Variants in TTC28 observed in about 807,000 individuals in gnomAD.
TTC28 encodes the protein tetratricopeptide repeat protein 28.
In TTC28, 61 loss-of-function variants were observed where a neutral mutation model predicts 198.0. That is an observed-to-expected ratio of 0.31 (90% CI 0.25 to 0.38). The LOEUF is 0.38. TTC28 is among the 10% of genes least tolerant of loss of function. TTC28 has a pLI of 1.00. For missense variants in TTC28, 2,678 were observed against 3,164.0 expected, an observed-to-expected ratio of 0.85 and a Z score of 3.69; for synonymous variants, 1,171 against 1,297.8, an observed-to-expected ratio of 0.90 and a Z score of 2.10.
At chr22:28,044,425 TTTC>T (rs1306161687) in intron 12 of TTC28, among the ~76,000 whole-genome samples, 1 of 152,184 alleles carries the variant, frequency 6.6e-6, no homozygotes, top group Non-Finnish European at 1.5e-5. Context: ...TCCAAAATGC[TTTC>T]TTAAGAGCAT....
At chr22:28,256,074 AG>A (rs1420864196) in intron 5 of TTC28, among the ~76,000 whole-genome samples, 1 of 152,092 alleles carries the variant, frequency 6.6e-6, no homozygotes, top group Non-Finnish European at 1.5e-5. Flanking sequence ...TTAGTAGCAA[AG>A]AAATAGTACA....
chr22:28,217,291 A>G (rs1927484641), intron 5 of TTC28, among the ~76,000 whole-genome samples: 1 of 152,212 alleles, frequency 6.6e-6, no homozygotes, highest in Non-Finnish European at 1.5e-5. Context: ...TAAAAAACTG[A>G]GTGCCAGAAA....
intron 2 of TTC28, 180 bp downstream of exon 2, chr22:28,629,371 CA>C (rs2051132809): frequency 5.0e-6 from 3 of 605,080 alleles, no homozygotes; most frequent in East Asian, 5.8e-5. Context: ...AAGCATGCTA[CA>C]AAAAAACAAA....
chr22:28,627,691 C>A (rs923092819), intron 2 of TTC28, among the ~76,000 whole-genome samples: 1 of 152,128 alleles, frequency 6.6e-6, no homozygotes, highest in East Asian at 1.9e-4. Flanking sequence ...CTCAGCCTCC[C>A]AAAGTGCTGG....
intron 2 of TTC28, among the ~76,000 whole-genome samples, chr22:28,436,576 G>A (rs887506489): frequency 2.0e-5 from 3 of 152,196 alleles, no homozygotes; most frequent in Non-Finnish European, 4.4e-5. Flanking sequence ...CTAGAAAGGG[G>A]AAAGAAACTT....
chr22:28,024,165 T>C (rs1341680739), intron 13 of TTC28, among the ~76,000 whole-genome samples: 1 of 151,972 alleles, frequency 6.6e-6, no homozygotes, highest in African/African-American at 2.4e-5. Flanking sequence ...GGAGAGGGCA[T>C]GGACACAGGT....
intron 2 of TTC28, among the ~76,000 whole-genome samples, chr22:28,568,048 AAAC>A (rs1486663268): frequency 6.6e-6 from 1 of 152,216 alleles, no homozygotes; most frequent in African/African-American, 2.4e-5. Context: ...ATTCAGGGGA[AAAC>A]AAGGTTTTAC....
At chr22:28,677,175 A>AAAAATAT (rs1555910210) in intron 1 of TTC28, among the ~76,000 whole-genome samples, 5 of 69,474 alleles carry the variant, frequency 7.2e-5, no homozygotes, top group African/African-American at 3.7e-4. Context: ...AAAAAAAAAA[A>AAAAATAT]ATATATATAT....
At chr22:28,105,173 C>A in intron 8 of TTC28, 106 bp downstream of exon 8, 1 of 1,229,064 alleles carries the variant, frequency 8.1e-7, no homozygotes, top group Non-Finnish European at 1.1e-6. Flanking sequence ...TTACTCCACA[C>A]AGAGGTGGCC....
chr22:28,071,733 T>C (rs1038725754), intron 12 of TTC28, among the ~76,000 whole-genome samples: 3 of 52,010 alleles, frequency 5.8e-5, no homozygotes, highest in Admixed American at 4.1e-4. Flanking sequence ...TAAAGTATAA[T>C]AAAAAAAAAA....
intron 2 of TTC28, among the ~76,000 whole-genome samples, chr22:28,440,214 A>G (rs1180195847): frequency 6.6e-6 from 1 of 152,082 alleles, no homozygotes; most frequent in Non-Finnish European, 1.5e-5. Flanking sequence ...TTTTTAGGGC[A>G]ATTACATGGC....
At chr22:28,368,209 T>C (rs1320809830) in intron 2 of TTC28, among the ~76,000 whole-genome samples, 3 of 151,990 alleles carry the variant, frequency 2.0e-5, no homozygotes, top group Admixed American at 2.0e-4. Flanking sequence ...GATTCAACAA[T>C]ACATTAACAA....
intron 2 of TTC28, among the ~76,000 whole-genome samples, chr22:28,477,159 G>A (rs1293423886): frequency 6.6e-6 from 1 of 152,164 alleles, no homozygotes; most frequent in Non-Finnish European, 1.5e-5. Flanking sequence ...ACTTTATAAG[G>A]TGATGAAATG....
chr22:28,559,521 C>A (rs908742220), intron 2 of TTC28, among the ~76,000 whole-genome samples: 2 of 152,224 alleles, frequency 1.3e-5, no homozygotes, highest in African/African-American at 2.4e-5. Context: ...CCAACTGCCA[C>A]CACCCCGGCC....
At chr22:28,081,921 T>G (rs190657854) in intron 12 of TTC28, among the ~76,000 whole-genome samples, 24 of 152,366 alleles carry the variant, frequency 1.6e-4, no homozygotes, top group Admixed American at 1.4e-3. Flanking sequence ...GTGTCTTCTT[T>G]AATTTCCTTC....
chr22:28,208,116 C>G (rs568674002), intron 5 of TTC28, among the ~76,000 whole-genome samples: 3 of 152,252 alleles, frequency 2.0e-5, no homozygotes, highest in South Asian at 4.2e-4. Flanking sequence ...CATTTTGTAA[C>G]CTGCCCAAAA....
At chr22:28,264,622 C>T (rs957738842) in intron 5 of TTC28, among the ~76,000 whole-genome samples, 24 of 152,080 alleles carry the variant, frequency 1.6e-4, no homozygotes, top group Non-Finnish European at 3.4e-4. Flanking sequence ...TGTGTGTGTA[C>T]ACGCACACAC....
intron 15 of TTC28, chr22:28,001,056 A>T: frequency 4.3e-6 from 1 of 234,278 alleles, no homozygotes; most frequent in Non-Finnish European, 8.6e-6. Flanking sequence ...CAGCCCCCTC[A>T]GGTGCTCAGC....
At chr22:28,009,971 G>T (rs1218026386) in intron 14 of TTC28, among the ~76,000 whole-genome samples, 1 of 152,210 alleles carries the variant, frequency 6.6e-6, no homozygotes, top group Admixed American at 6.5e-5. Context: ...GTTTCACTCT[G>T]TCTCATTTAA....
Sources: gnomAD v4.1 joint callset for allele counts (sites outside exome capture counted in the v4.1 genomes callset) on GRCh38, gnomAD v4.1.1 for gene constraint, MANE v1.5 for transcripts, NCBI Gene and HGNC (gene_info 2026-07-23, HGNC 2026-07-21) for gene names.